SUPT3H: variants seen among roughly 807,000 people sequenced by gnomAD.
SUPT3H encodes the protein SPT3 homolog, SAGA and STAGA complex component.
Under a neutral mutation model 44.3 loss-of-function variants are expected in SUPT3H, and 44 were observed. That is an observed-to-expected ratio of 0.99 (90% CI 0.78 to 1.28). The LOEUF (loss-of-function observed/expected upper bound fraction) is 1.28. Ranked by LOEUF, SUPT3H falls within the 50% of genes most tolerant of loss-of-function variation. The pLI is 0.00. For synonymous variants in SUPT3H, 124 were observed against 125.6 expected (o/e 0.99, Z 0.09); for missense variants, 380 against 387.1 (o/e 0.98, Z 0.15).
At chr6:44,836,611 A>G (rs1157636594) in intron 10 of SUPT3H, among the ~76,000 whole-genome samples, 1 of 152,118 alleles carries the variant, frequency 6.6e-6, no homozygotes, top group African/African-American at 2.4e-5. Flanking sequence ...TAAATTCTTG[A>G]GTTATTACCA....
chr6:44,874,897 C>G (rs1398923628), intron 10 of SUPT3H, among the ~76,000 whole-genome samples: 1 of 146,468 alleles, frequency 6.8e-6, no homozygotes, highest in East Asian at 2.0e-4. Flanking sequence ...AACTCCCATT[C>G]ACAATTGCTT....
intron 4 of SUPT3H, among the ~76,000 whole-genome samples, chr6:45,015,597 G>A (rs549779076): frequency 2.0e-5 from 3 of 152,058 alleles, no homozygotes; most frequent in East Asian, 3.9e-4. Context: ...CTTACTTACT[G>A]TAACTATTTT....
intron 2 of SUPT3H, among the ~76,000 whole-genome samples, chr6:45,296,590 T>C (rs1781265872): frequency 6.6e-6 from 1 of 151,214 alleles, no homozygotes; most frequent in African/African-American, 2.4e-5. Context: ...AATATAAAAA[T>C]TAGCGAGGCG....
At chr6:44,862,200 T>C (rs550773674) in intron 10 of SUPT3H, among the ~76,000 whole-genome samples, 6 of 152,180 alleles carry the variant, frequency 3.9e-5, no homozygotes, top group East Asian at 1.9e-4. Flanking sequence ...GAACTCACTT[T>C]TGCTCATGCT....
At chr6:45,329,367 A>G (rs910592549) in intron 2 of SUPT3H, among the ~76,000 whole-genome samples, 3 of 152,006 alleles carry the variant, frequency 2.0e-5, no homozygotes, top group South Asian at 2.1e-4. Flanking sequence ...ACAACTTTAT[A>G]TAAGTATACA....
intron 2 of SUPT3H, among the ~76,000 whole-genome samples, chr6:45,344,780 G>C (rs1790509716): frequency 6.6e-6 from 1 of 152,042 alleles, no homozygotes; most frequent in Non-Finnish European, 1.5e-5. Context: ...AAATATACTT[G>C]GTGGACCTAA....
intron 2 of SUPT3H, among the ~76,000 whole-genome samples, chr6:45,234,434 G>A (rs1462072887): frequency 6.6e-6 from 1 of 151,182 alleles, no homozygotes; most frequent in Non-Finnish European, 1.5e-5. Flanking sequence ...AGGAGGCTGA[G>A]GCAGCAAAAT....
intron 6 of SUPT3H, among the ~76,000 whole-genome samples, chr6:44,989,746 G>T (rs1780339881): frequency 6.6e-6 from 1 of 152,032 alleles, no homozygotes; most frequent in African/African-American, 2.4e-5. Context: ...TTTCCCTGAT[G>T]ATTAGTACTG....
rs1768269487 is a variant in SUPT3H at position 44,829,711 on chromosome 6, C to G, written c.*105G>C. The G allele has an allele frequency of 1.5e-6, 2 of 1,323,642 alleles. No homozygotes were observed. The highest frequency in any genetic ancestry group is 2.1e-6 in the Non-Finnish European group (2 of 937,388). 82.0% of individuals were successfully genotyped at this position (1,323,642 alleles called of 1,614,324 possible). A position where few individuals can be genotyped will look rare whatever the true frequency, so the allele number is the denominator to read the frequency against. Reference sequence around the variant, plus strand: ...AAAGTCACAACAGACCAGCCCACTCCCTCAGATAAAAGAAAGGTAAATTTG... The same window carrying G: ...AAAGTCACAACAGACCAGCCCACTCGCTCAGATAAAAGAAAGGTAAATTTG... On this transcript the variant is annotated 3_prime_UTR_variant, in exon 11 of 11. Transcript: ENST00000371459.
chr6:44,816,932 G>A (rs1365587835), intron 11 of SUPT3H, among the ~76,000 whole-genome samples: 1 of 151,958 alleles, frequency 6.6e-6, no homozygotes, highest in African/African-American at 2.4e-5. Context: ...ATGGTGATGT[G>A]TGCTTATACT....
intron 10 of SUPT3H, among the ~76,000 whole-genome samples, chr6:44,857,618 T>A (rs1043232550): frequency 1.4e-4 from 22 of 152,220 alleles, no homozygotes; most frequent in Admixed American, 1.3e-4. Flanking sequence ...AGATTTTCTT[T>A]AAAAGTTCTT....
chr6:44,835,458 GTT>G (rs1769673861), intron 10 of SUPT3H, among the ~76,000 whole-genome samples: 1 of 5,106 alleles, frequency 2.0e-4, no homozygotes, highest in African/African-American at 9.4e-4. Flanking sequence ...GGCACAGAGG[GTT>G]GAGGTTGAAA....
At chr6:45,214,633 G>A (rs1258306471) in intron 2 of SUPT3H, among the ~76,000 whole-genome samples, 4 of 152,170 alleles carry the variant, frequency 2.6e-5, no homozygotes, top group Admixed American at 2.6e-4. Flanking sequence ...GATCACTTGA[G>A]GCCAAGAGTT....
chr6:45,334,071 C>A (rs1788056288), intron 2 of SUPT3H, among the ~76,000 whole-genome samples: 1 of 151,170 alleles, frequency 6.6e-6, no homozygotes, highest in African/African-American at 2.4e-5. Flanking sequence ...TTTTGGCAAA[C>A]AGTTTAAAGA....
chr6:44,871,126 C>G (rs956370187), intron 10 of SUPT3H, among the ~76,000 whole-genome samples: 1 of 150,126 alleles, frequency 6.7e-6, no homozygotes, highest in Non-Finnish European at 1.5e-5. Context: ...CCGGGAAGCT[C>G]GAACTGGGTG....
intron 3 of SUPT3H, among the ~76,000 whole-genome samples, chr6:45,034,758 A>G (rs1413544799): frequency 2.0e-5 from 3 of 151,444 alleles, no homozygotes; most frequent in Non-Finnish European, 4.4e-5. Context: ...AGTTCTACTA[A>G]CCCTTGTAAA....
intron 2 of SUPT3H, among the ~76,000 whole-genome samples, chr6:45,114,199 C>T: frequency 6.6e-6 from 1 of 151,982 alleles, no homozygotes; most frequent in Admixed American, 6.6e-5. Context: ...ACTCAATCAA[C>T]AAATATTGAC....
intron 2 of SUPT3H, among the ~76,000 whole-genome samples, chr6:45,241,647 T>C (rs549912331): frequency 6.6e-6 from 1 of 152,172 alleles, no homozygotes; most frequent in Non-Finnish European, 1.5e-5. Flanking sequence ...TGTGTGTCTT[T>C]AATTCCTCTA....
intron 2 of SUPT3H, among the ~76,000 whole-genome samples, chr6:45,146,716 T>G (rs982480742): frequency 6.6e-6 from 1 of 152,218 alleles, no homozygotes; most frequent in Admixed American, 6.6e-5. Context: ...TTATAAAGCA[T>G]CAAAATTGGG....
Sources: gnomAD v4.1 joint callset for allele counts (sites outside exome capture counted in the v4.1 genomes callset) on GRCh38, gnomAD v4.1.1 for gene constraint, MANE v1.5 for transcripts, NCBI Gene and HGNC (gene_info 2026-07-23, HGNC 2026-07-21) for gene names.